The following LRRC17 variants were observed in gnomAD, a reference collection of about 807,000 sequenced individuals.
LRRC17 encodes the protein leucine rich repeat containing 17, also known as leucine-rich repeat-containing protein 17.
LRRC17 carries 33 observed loss-of-function variants against 41.5 expected under a neutral mutation model. That is an observed-to-expected ratio of 0.80 (90% CI 0.60 to 1.06). The LOEUF (loss-of-function observed/expected upper bound fraction) is 1.06, where lower values mean the gene tolerates loss of function less well. LRRC17 is among the 50% of genes least tolerant of loss of function. LRRC17 has a pLI of 0.00. For missense variants in LRRC17, 491 were observed against 519.3 expected (o/e 0.95, Z 0.53); for synonymous variants, 192 against 197.0 (o/e 0.97, Z 0.21).
Position 102,944,579 on chromosome 7 carries a change from A to T in LRRC17, c.1298A>T (p.Gln433Leu). The T allele has an allele frequency of 6.2e-7, 1 of 1,609,274 alleles. No individual in the cohort carries two copies. The highest frequency in any genetic ancestry group is 1.1e-5 in the South Asian group (1 of 89,936). ...KKHRDHTAKK[Q>L]SVIITIVG ...CATAGAGATCACACCGCAAAGAAGC[A>T]AAGCGTAATAATTACTATAGTAGGA... Residue 433 changes from glutamine to leucine, a missense_variant, in exon 4 of 4, where the codon CAA (glutamine) becomes CTA (leucine). Transcript: ENST00000339431.
intron 1 of LRRC17, among the ~76,000 whole-genome samples, chr7:102,923,753 A>G (rs1817542805): frequency 1.3e-5 from 2 of 151,870 alleles, no homozygotes; most frequent in Non-Finnish European, 2.9e-5. Flanking sequence ...TGAACCTGGG[A>G]GGCGGAGGTT....
rs568793708 is a variant in LRRC17, at chr7:102,933,958, G to T, written c.45G>T (p.Ala15=). The change falls in exon 2 of 4, where the codon GCG becomes GCT. Residue 15 remains alanine, a synonymous_variant. Transcript: ENST00000339431. ...TIVILLCFCK[A]AELRKASPGS... ...TAATCTTGCTCTGCTTTTGCAAAGC[G>T]GCTGAGCTGCGCAAAGCAAGCCCAG... is the stretch of plus-strand genomic sequence containing the variant. The T allele has an allele frequency of 6.2e-7, 1 of 1,613,538 alleles. No homozygotes were observed. The highest frequency in any genetic ancestry group is 1.7e-5 in the Admixed American group (1 of 59,956).
intron 3 of LRRC17, among the ~76,000 whole-genome samples, chr7:102,941,404 C>T (rs1821395989): frequency 6.6e-6 from 1 of 152,086 alleles, no homozygotes; most frequent in South Asian, 2.1e-4. Context: ...CCAATCAGCA[C>T]TCCCCACTTC....
intron 3 of LRRC17, 27 bp from the exon 4 acceptor site, chr7:102,944,183 G>A (rs781464919): frequency 6.4e-7 from 1 of 1,571,194 alleles, no homozygotes; most frequent in Non-Finnish European, 8.6e-7. Flanking sequence ...CAATTACTCA[G>A]GCTCAATAAA....
In LRRC17 at chr7:102,939,554, C is replaced by T. The variant is rs772141379; in HGVS notation, c.897C>T (p.Leu299=). 6 of 1,613,926 alleles carry T rather than the reference C, an allele frequency of 3.7e-6. No individual in the cohort carries two copies. In the East Asian group the frequency reaches 1.3e-4, roughly 36 times the overall value. The change falls in exon 3 of 4, where the codon CTC becomes CTT. Residue 299 remains leucine, a synonymous_variant. Transcript: ENST00000339431. ...EDVHELKKLN[L]SSNGIEFIDP... is the part of the protein sequence containing the mutation. ...TTCATGAGCTGAAGAAATTAAACCT[C>T]AGCAGCAATGGCATTGAATTCATCG...
rs778069913 is a variant in LRRC17 at position 102,933,967 on chromosome 7, G to A, written c.54G>A (p.Leu18=). 2 of 1,614,062 alleles carry A rather than the reference G, an allele frequency of 1.2e-6. No individual in the cohort carries two copies. The highest frequency in any genetic ancestry group is 2.2e-5 in the East Asian group (1 of 44,878). Residue 18 remains leucine, a synonymous_variant, in exon 2 of 4, where the codon CTG becomes CTA. Transcript: ENST00000339431. ...TCTGCTTTTGCAAAGCGGCTGAGCT[G>A]CGCAAAGCAAGCCCAGGCAGTGTGA... The part of the protein sequence containing the change: ...ILLCFCKAAE[L]RKASPGSVRS...
intron 1 of LRRC17, among the ~76,000 whole-genome samples, chr7:102,917,877 G>A (rs897714284): frequency 2.6e-5 from 4 of 152,088 alleles, no homozygotes; most frequent in East Asian, 1.9e-4. Context: ...GTTTAGTTCC[G>A]GAAACATTTA....
At chr7:102,914,723 A>T (rs1815479087) in intron 1 of LRRC17, among the ~76,000 whole-genome samples, 2 of 152,242 alleles carry the variant, frequency 1.3e-5, no homozygotes, top group African/African-American at 4.8e-5. Context: ...GCGAGGGGGA[A>T]GGCTTTGGAC....
At chr7:102,919,834 T>C (rs990510049) in intron 1 of LRRC17, among the ~76,000 whole-genome samples, 4 of 152,194 alleles carry the variant, frequency 2.6e-5, no homozygotes, top group African/African-American at 7.2e-5. Context: ...TTTTTAAAAT[T>C]ATATTTCCAG....
At chr7:102,918,053 C>A (rs552934018) in intron 1 of LRRC17, among the ~76,000 whole-genome samples, 1 of 152,216 alleles carries the variant, frequency 6.6e-6, no homozygotes, top group South Asian at 2.1e-4. Flanking sequence ...TTGGCAAGTA[C>A]TTTTTTTGGA....
At chr7:102,944,075 AGAAAG>A in intron 3 of LRRC17, 130 bp from the exon 4 acceptor site, 1 of 685,244 alleles carries the variant, frequency 1.5e-6, no homozygotes, top group Non-Finnish European at 2.3e-6. Flanking sequence ...TCTGAGAAAA[AGAAAG>A]GAAAAGAAAT....
chr7:102,922,411 C>T (rs1328486616), intron 1 of LRRC17, among the ~76,000 whole-genome samples: 6 of 151,772 alleles, frequency 4.0e-5, no homozygotes, highest in Admixed American at 6.6e-5. Context: ...AAATTAGTTC[C>T]TAGTTTAATT....
intron 1 of LRRC17, among the ~76,000 whole-genome samples, chr7:102,927,375 G>A (rs1194023392): frequency 6.6e-6 from 1 of 152,198 alleles, no homozygotes; most frequent in African/African-American, 2.4e-5. Flanking sequence ...TACTAGGCTA[G>A]AAGATGTGGT....
intron 1 of LRRC17, among the ~76,000 whole-genome samples, chr7:102,921,887 G>C (rs1689761194): frequency 6.6e-6 from 1 of 151,848 alleles, no homozygotes; most frequent in Admixed American, 6.6e-5. Context: ...CAAAAATTTT[G>C]CTCTAAATAT....
chr7:102,933,352 T>C (rs1265843035), intron 1 of LRRC17: 1 of 152,268 alleles, frequency 6.6e-6, no homozygotes, highest in African/African-American at 2.4e-5. Context: ...CTGTGTTCTT[T>C]TAAAGAAGGA....
chr7:102,934,462 C>A lies in LRRC17; in HGVS notation c.549C>A (p.Asn183Lys), dbSNP rs1311393766. The change falls in exon 2 of 4, where the codon AAC (asparagine) becomes AAA (lysine). Residue 183 changes from asparagine (N) to lysine (K), a missense_variant. By Grantham distance (94) the Asn-to-Lys change is moderately conservative. Transcript: ENST00000339431. Reference sequence around the variant, plus strand: ...TTTCAATGTTGCAGATTCCCAGGAACCGGAATTTGGGGAACTACGCCAAGT... The same window carrying A: ...TTTCAATGTTGCAGATTCCCAGGAAACGGAATTTGGGGAACTACGCCAAGT... ...TLISMLQIPR[N>K]RNLGNYAKCE... is the part of the protein sequence containing the mutation. 2 of 1,614,114 alleles carry A rather than the reference C, an allele frequency of 1.2e-6. No homozygotes were observed.
At chr7:102,918,679 G>T (rs1268001678) in intron 1 of LRRC17, among the ~76,000 whole-genome samples, 2 of 152,098 alleles carry the variant, frequency 1.3e-5, no homozygotes, top group African/African-American at 4.8e-5. Flanking sequence ...TTAGCTGGAT[G>T]TGCCCAGGAG....
At chr7:102,921,101 G>A (rs991565040) in intron 1 of LRRC17, among the ~76,000 whole-genome samples, 6 of 152,154 alleles carry the variant, frequency 3.9e-5, no homozygotes, top group East Asian at 1.9e-4. Context: ...GCAGTGAGCC[G>A]AGATCACTTC....
rs142717392 is a variant in LRRC17, at chr7:102,942,102, C to CT, written c.929-2102dup. The stretch of plus-strand genomic sequence containing the variant: ...GGTCTCTACCATCAGTGGTGGTACT[C>CT]TTTTTTCCCCCTTTGTTCAATTCAA... On this transcript the variant is annotated intron_variant, in intron 3 of 3. Coordinates refer to ENST00000339431, the MANE Select transcript of LRRC17 (RefSeq NM_001031692.3). 3.7e-3 allele frequency among the ~76,000 whole-genome samples: 570 copies of CT among 152,270 alleles called. 5 individuals carry two copies. The highest frequency in any genetic ancestry group is 0.014 in the African/African-American group (563 of 41,556).
Sources: allele counts gnomAD v4.1 joint callset (sites outside exome capture counted in the v4.1 genomes callset), GRCh38; gene constraint gnomAD v4.1.1; transcripts MANE v1.5; gene names NCBI Gene and HGNC (gene_info 2026-07-23, HGNC 2026-07-21).